XIAP: variants seen among roughly 807,000 people sequenced by gnomAD.
XIAP encodes the protein E3 ubiquitin-protein ligase XIAP.
XIAP carries 3 observed loss-of-function variants against 33.1 expected under a neutral mutation model. The ratio of observed to expected loss-of-function variants is 0.09; its 90% CI spans 0.04 to 0.23. XIAP has a LOEUF of 0.23. XIAP is among the 10% of genes least tolerant of loss of function. The pLI is 1.00. For synonymous variants in XIAP, 98 were observed against 121.3 expected (o/e 0.81, Z 1.26); for missense variants, 264 against 363.0 (o/e 0.73, Z 2.22).
intron 6 of XIAP, among the ~76,000 whole-genome samples, chrX:123,902,751 AAATC>A (rs1455073569): frequency 8.0e-5 from 9 of 112,324 alleles, no homozygotes; most frequent in African/African-American, 2.9e-4. Context: ...TATAATATAA[AAATC>A]AAATAACCCA....
Position 123,901,955 on chromosome X carries a change from C to T in XIAP, c.1300+1262C>T, listed in dbSNP as rs549955876. Among the ~76,000 whole-genome samples the T allele has an allele frequency of 1.1e-4, 12 of 111,808 alleles. No individual in the cohort carries two copies. In the South Asian group the frequency reaches 3.8e-3, roughly 35 times the overall value. On this transcript the variant is annotated intron_variant, in intron 6 of 6. Coordinates refer to ENST00000371199, the MANE Select transcript of XIAP (RefSeq NM_001167.4). ...TCAAGCGATTCTCCTGCCTCACCCTCCCGAGTAGCTGGAATTACAGGCATG... is the reference window on the plus strand; with the variant it reads ...TCAAGCGATTCTCCTGCCTCACCCTTCCGAGTAGCTGGAATTACAGGCATG...
intron 6 of XIAP, among the ~76,000 whole-genome samples, chrX:123,901,290 G>C (rs1317661830): frequency 9.0e-6 from 1 of 111,608 alleles, no homozygotes; most frequent in Non-Finnish European, 1.9e-5. Flanking sequence ...GAGGCTGAGC[G>C]GGGAAGATCA....
At chrX:123,863,075 G>A (rs1211538615) in intron 1 of XIAP, among the ~76,000 whole-genome samples, 4 of 111,354 alleles carry the variant, frequency 3.6e-5, no homozygotes, top group African/African-American at 6.5e-5. Flanking sequence ...GGGCGAAAGA[G>A]TGAGACCCTG....
At chrX:123,870,250 C>T (rs1171760129) in intron 1 of XIAP, among the ~76,000 whole-genome samples, 2 of 112,131 alleles carry the variant, frequency 1.8e-5, no homozygotes, top group Non-Finnish European at 3.8e-5. Flanking sequence ...GCTTAAGCCA[C>T]CATGCCCAGC....
chrX:123,907,063 C>A lies in XIAP; in HGVS notation c.1376C>A (p.Ala459Asp). 1 of 1,211,304 alleles carries A rather than the reference C, an allele frequency of 8.3e-7. No homozygotes were observed. The part of the protein sequence containing the change: ...LCKICMDRNI[A>D]IVFVPCGHLV... ...AAAATCTGTATGGATAGAAATATTGCTATCGTTTTTGTTCCTTGTGGACAT... is the reference window on the plus strand; with the variant it reads ...AAAATCTGTATGGATAGAAATATTGATATCGTTTTTGTTCCTTGTGGACAT... Residue 459 changes from alanine (A) to aspartate (D), a missense_variant, in exon 7 of 7, where the codon GCT becomes GAT. Physicochemically the swap from Ala to Asp is moderately radical, Grantham distance 126 (BLOSUM62 -2). Transcript: ENST00000371199.
rs397713705 is a variant in XIAP, at chrX:123,911,477, C to CAA, written c.*4308_*4309dup. On this transcript the variant is annotated 3_prime_UTR_variant, in exon 7 of 7. Coordinates refer to ENST00000371199, the MANE Select transcript of XIAP (RefSeq NM_001167.4). ...GGGCAACAAGAGCAAAACTCTGTCTCAAAAAAAAAAAAAGATATAAATCAC... is the reference window on the plus strand; with the variant it reads ...GGGCAACAAGAGCAAAACTCTGTCTCAAAAAAAAAAAAAAAGATATAAATCAC... 3,890 of 248,764 alleles carry CAA rather than the reference C, an allele frequency of 0.016. 10 individuals carry two copies. Among genetic ancestry groups the CAA allele is most frequent in the Middle Eastern group, 0.034 (24 of 707 alleles). The allele number at this position is 248,764 out of a possible 1,213,427, so 20.5% of individuals were successfully genotyped here.
chrX:123,880,343 G>A (rs1230802308), intron 1 of XIAP, among the ~76,000 whole-genome samples: 3 of 107,499 alleles, frequency 2.8e-5, no homozygotes, highest in Non-Finnish European at 5.8e-5. Context: ...CTCAAGAGGC[G>A]GAGGTTGTGG....
At chrX:123,864,677 TGTGTTTTAGTAAAGACAGGGTGTCACC>T (rs2053115016) in intron 1 of XIAP, among the ~76,000 whole-genome samples, 2 of 66,294 alleles carry the variant, frequency 3.0e-5, no homozygotes, top group African/African-American at 5.9e-5. Flanking sequence ...TGTGTGTGTG[TGTGTTTTAGTAAAGACAGGGTGTCACC>T]GTGTGTGTGT....
intron 1 of XIAP, among the ~76,000 whole-genome samples, chrX:123,884,956 A>AAAAAT (rs4028348): frequency 9.1e-6 from 1 of 109,732 alleles, no homozygotes; most frequent in Non-Finnish European, 1.9e-5. Context: ...AAAAAAAAAA[A>AAAAAT]GTAACAGCAA....
chrX:123,867,397 CAG>C (rs1306855224), intron 1 of XIAP, among the ~76,000 whole-genome samples: 8 of 99,021 alleles, frequency 8.1e-5, no homozygotes, highest in African/African-American at 3.0e-4. Context: ...GTTTTTTAGA[CAG>C]AGTCTCACTC....
intron 5 of XIAP, among the ~76,000 whole-genome samples, chrX:123,893,257 C>G (rs907346978): frequency 1.8e-5 from 2 of 109,570 alleles, no homozygotes; most frequent in African/African-American, 6.6e-5. Context: ...TGGTAGCTCA[C>G]GCCTGTAATC....
chrX:123,899,302 T>C (rs1238327260), intron 5 of XIAP, among the ~76,000 whole-genome samples: 3 of 100,361 alleles, frequency 3.0e-5, no homozygotes, highest in Non-Finnish European at 4.0e-5. Flanking sequence ...TGTATATATA[T>C]ACACACGCAC....
chrX:123,865,550 TAAA>T (rs760806196), intron 1 of XIAP, among the ~76,000 whole-genome samples: 1 of 89,607 alleles, frequency 1.1e-5, no homozygotes. Context: ...CCCTCTCTGC[TAAA>T]AAAAAAAAAA....
At chrX:123,874,543 T>A (rs1050036566) in intron 1 of XIAP, 2 of 111,547 alleles carry the variant, frequency 1.8e-5, no homozygotes, top group African/African-American at 6.5e-5. Flanking sequence ...TGCATGTTTT[T>A]AAAATACATC....
intron 6 of XIAP, among the ~76,000 whole-genome samples, chrX:123,905,025 G>A (rs1774680998): frequency 8.9e-6 from 1 of 111,863 alleles, no homozygotes; most frequent in Non-Finnish European, 1.9e-5. Flanking sequence ...TCTTATCTCT[G>A]ATGCATTCCA....
chrX:123,873,370 C>T (rs2053212530), intron 1 of XIAP, among the ~76,000 whole-genome samples: 2 of 106,208 alleles, frequency 1.9e-5, no homozygotes, highest in Admixed American at 2.1e-4. Context: ...GATGGGGTCT[C>T]ACCATGTTGC....
chrX:123,910,209 A>G lies in XIAP; in HGVS notation c.*3028A>G, dbSNP rs987242951. 2 of 329,577 alleles carry G rather than the reference A, an allele frequency of 6.1e-6. No homozygotes were observed. Among genetic ancestry groups the G allele is most frequent in the East Asian group, 9.7e-5 (1 of 10,340 alleles). The allele number at this position is 329,577 out of a possible 1,213,427, so 27.2% of individuals were successfully genotyped here. A position where few individuals can be genotyped will look rare whatever the true frequency, so the allele number is the denominator to read the frequency against. ...CCAGTTAATTAATTAATAGCTTTAT[A>G]TTGCCTTTCCTGCTACATTTGGTTT... On this transcript the variant is annotated 3_prime_UTR_variant, in exon 7 of 7. Coordinates refer to ENST00000371199, the MANE Select transcript of XIAP (RefSeq NM_001167.4).
intron 3 of XIAP, among the ~76,000 whole-genome samples, chrX:123,889,997 ATTTTTTTTTTTTTTTTTTTTTTT>A (rs771503633): frequency 6.0e-5 from 2 of 33,072 alleles, no homozygotes; most frequent in East Asian, 1.0e-3. Flanking sequence ...AGTTGTTCAC[ATTTTTTTTTTTTTTTTTTTTTTT>A]TTTTTTTTTT....
At chrX:123,893,620 T>G (rs1422807466) in intron 5 of XIAP, among the ~76,000 whole-genome samples, 1 of 111,147 alleles carries the variant, frequency 9.0e-6, no homozygotes, top group Non-Finnish European at 1.9e-5. Context: ...TCCCAGCACT[T>G]TGGGAGGCCG....
Sources: allele counts gnomAD v4.1 joint callset (sites outside exome capture counted in the v4.1 genomes callset), GRCh38; gene constraint gnomAD v4.1.1; transcripts MANE v1.5; gene names NCBI Gene and HGNC (gene_info 2026-07-23, HGNC 2026-07-21).